Variants in TRIP12 observed in about 807,000 individuals in gnomAD.
TRIP12 encodes thyroid hormone receptor interactor 12, also known as E3 ubiquitin-protein ligase TRIP12.
TRIP12 carries 25 observed loss-of-function variants against 244.2 expected under a neutral mutation model. The observed-to-expected ratio is 0.10, with a 90% confidence interval of 0.07 to 0.14. The LOEUF is 0.14. Ranked by LOEUF, TRIP12 falls within the 10% of genes least tolerant of loss-of-function variation. The pLI is 1.00. For synonymous variants in TRIP12, 905 were observed against 873.1 expected (o/e 1.04, Z -0.64); for missense variants, 1,677 against 2,486.4 (o/e 0.67, Z 6.92).
chr2:229,796,809 A>T (rs958506866), intron 24 of TRIP12, 27 bp from the exon 25 acceptor site: 1 of 1,528,534 alleles, frequency 6.5e-7, no homozygotes, highest in Admixed American at 2.3e-5. Flanking sequence ...AAGTATTTCT[A>T]TATTGATTTA....
At chr2:229,844,090 A>C (rs2057077026) in intron 4 of TRIP12, among the ~76,000 whole-genome samples, 1 of 152,220 alleles carries the variant, frequency 6.6e-6, no homozygotes. Context: ...TGAATTTTTA[A>C]AACAACATTG....
intron 2 of TRIP12, among the ~76,000 whole-genome samples, chr2:229,867,446 T>C (rs1398532347): frequency 1.3e-5 from 2 of 152,144 alleles, no homozygotes; most frequent in Non-Finnish European, 2.9e-5. Flanking sequence ...ATTACAGGTA[T>C]GAGCCACTGT....
At chr2:229,822,272 G>C (rs1320815224) in intron 8 of TRIP12, among the ~76,000 whole-genome samples, 1 of 152,218 alleles carries the variant, frequency 6.6e-6, no homozygotes, top group South Asian at 2.1e-4. Flanking sequence ...AGGCGTCAAA[G>C]ACACACAGCT....
At chr2:229,794,296 G>C (rs1357154215) in intron 26 of TRIP12, among the ~76,000 whole-genome samples, 1 of 152,324 alleles carries the variant, frequency 6.6e-6, no homozygotes, top group South Asian at 2.1e-4. Flanking sequence ...ACTAGGCTGA[G>C]TGTGGTGGCT....
intron 34 of TRIP12, among the ~76,000 whole-genome samples, chr2:229,781,921 C>T (rs1367504030): frequency 1.3e-5 from 2 of 152,140 alleles, no homozygotes; most frequent in African/African-American, 4.8e-5. Flanking sequence ...GAAGGAAGGG[C>T]ATAAAATCTT....
Position 229,810,752 on chromosome 2 carries a change from ACTTTT to A in TRIP12, c.2221+123_2221+127del, listed in dbSNP as rs1180813904. The A allele has an allele frequency of 8.8e-5, 79 of 893,888 alleles. No homozygotes were observed. In the African/African-American group the frequency reaches 9.5e-4, roughly 11 times the overall value. 55.4% of individuals were successfully genotyped at this position (893,888 alleles called of 1,614,324 possible). On this transcript the variant is annotated intron_variant, in intron 15 of 41. Transcript: ENST00000675903. ...CAACACAAATTTATTACATATTAAC[ACTTTT>A]CTTTACTATCCAATGCCTATAATAT...
intron 8 of TRIP12, among the ~76,000 whole-genome samples, chr2:229,820,713 C>G (rs745630021): frequency 2.6e-5 from 4 of 152,150 alleles, no homozygotes; most frequent in Non-Finnish European, 5.9e-5. Flanking sequence ...CTCAGCCTCC[C>G]AAGTAGCTGG....
intron 1 of TRIP12, among the ~76,000 whole-genome samples, chr2:229,906,492 C>T (rs1458431209): frequency 3.3e-5 from 5 of 150,726 alleles, no homozygotes; most frequent in African/African-American, 4.9e-5. Context: ...GAGGCCGAGG[C>T]GGGTGGATCA....
chr2:229,894,355 T>C (rs2068178168), intron 1 of TRIP12: 1 of 152,198 alleles, frequency 6.6e-6, no homozygotes, highest in African/African-American at 2.4e-5. Flanking sequence ...CGTGATCACT[T>C]TGGCAGCACA....
intron 40 of TRIP12, among the ~76,000 whole-genome samples, chr2:229,768,973 G>T (rs1302195066): frequency 6.6e-6 from 1 of 152,146 alleles, no homozygotes; most frequent in Non-Finnish European, 1.5e-5. Context: ...TAATAATGGG[G>T]AACAAGATTA....
Position 229,804,338 on chromosome 2 carries a change from C to G in TRIP12, c.2651-111G>C. On this transcript the variant is annotated intron_variant, in intron 18 of 41. Transcript: ENST00000675903. ...TGTAATTCTTGAAATGCTATGAAAA[C>G]TTTTTCATTATAGAACACATGAACT... 4.3e-6 allele frequency: 4 copies of G among 924,182 alleles called. No homozygotes were observed. The South Asian group carries it at 5.5e-5, about 13-fold the overall frequency. The allele number at this position is 924,182 out of a possible 1,614,324, so 57.2% of individuals were successfully genotyped here. A position where few individuals can be genotyped will look rare whatever the true frequency, so the allele number is the denominator to read the frequency against.
chr2:229,814,049 G>A lies in TRIP12; in HGVS notation c.1825-18C>T. ...AAACCACCCTAAAATATAGAAAACT[G>A]TTAAGGTAAAGAAAAATCCTTTATC... On this transcript the variant is annotated intron_variant, in intron 12 of 41. Coordinates refer to ENST00000675903, the MANE Select transcript of TRIP12 (RefSeq NM_001348323.3). The A allele has an allele frequency of 6.4e-7, 1 of 1,559,608 alleles. No homozygotes were observed. The highest frequency in any genetic ancestry group is 1.2e-5 in the South Asian group (1 of 84,296).
intron 1 of TRIP12, among the ~76,000 whole-genome samples, chr2:229,886,303 T>C (rs921002903): frequency 3.3e-5 from 5 of 152,162 alleles, no homozygotes; most frequent in Non-Finnish European, 1.5e-5. Flanking sequence ...CTGCCTTTTT[T>C]TCCAGTTAAT....
chr2:229,839,521 C>CA (rs1477319088), intron 5 of TRIP12, among the ~76,000 whole-genome samples: 11 of 151,518 alleles, frequency 7.3e-5, no homozygotes, highest in African/African-American at 1.5e-4. Context: ...ACTAAAAATA[C>CA]AAAAAAAATT....
At chr2:229,866,784 C>T (rs1388744175) in intron 2 of TRIP12, among the ~76,000 whole-genome samples, 1 of 152,088 alleles carries the variant, frequency 6.6e-6, no homozygotes, top group African/African-American at 2.4e-5. Flanking sequence ...ATGTTTCCAA[C>T]GAATACTTTT....
chr2:229,774,055 G>A (rs200023530), intron 38 of TRIP12, 42 bp downstream of exon 38: 42 of 1,590,144 alleles, frequency 2.6e-5, no homozygotes, highest in East Asian at 2.2e-4. Context: ...AAAGTCCTCC[G>A]TCTTCACAAC....
chr2:229,811,018 C>G lies in TRIP12; in HGVS notation c.2083G>C (p.Asp695His). Residue 695 changes from aspartate (D) to histidine (H), a missense_variant, in exon 15 of 42, where the codon GAT becomes CAT. Transcript: ENST00000675903. Reference sequence around the variant, plus strand: ...AGCTGTTGAACATTTGTAAGCAGATCTTTGGAAGCAACCTGCTGGAGTAAA... The same window carrying G: ...AGCTGTTGAACATTTGTAAGCAGATGTTTGGAAGCAACCTGCTGGAGTAAA... The part of the protein sequence containing the change: ...ENLLQQVASK[D>H]LLTNVQQLLV... 6.2e-7 allele frequency: 1 copy of G among 1,613,950 alleles called. No homozygotes were observed. Among genetic ancestry groups the G allele is most frequent in the Non-Finnish European group, 8.5e-7 (1 of 1,179,954 alleles).
chr2:229,778,593 AAACAAGC>A lies in TRIP12; in HGVS notation c.5210-13_5210-7del, dbSNP rs1186477947. The stretch of plus-strand genomic sequence containing the variant: ...CTTGGTCCCTTCTTGGCTCCCTGAA[AAACAAGC>A]AATGCAGCAAACTTCAGATGATGTT... On this transcript the variant is annotated splice_polypyrimidine_tract_variant and splice_region_variant and intron_variant, in intron 35 of 41. Transcript: ENST00000675903. This position sits in a 1 kb window ranked among gnomAD's most constrained non-coding sequence, Gnocchi z 4.1. The A allele has an allele frequency of 2.5e-6, 4 of 1,607,584 alleles. No homozygotes were observed. The highest frequency in any genetic ancestry group is 3.4e-6 in the Non-Finnish European group (4 of 1,176,852).
At position 229,770,831 on chromosome 2, in the gene TRIP12, C is replaced by T. The variant is rs552450788; in HGVS notation, c.5808+688G>A. 3.5e-4 allele frequency among the ~76,000 whole-genome samples: 53 copies of T among 152,276 alleles called. No individual in the cohort carries two copies. The South Asian group carries it at 8.5e-3, about 24-fold the overall frequency. ...ATGGTTTCAAAAAGGGGAGTTTCCC[C>T]GCACAAGCTCTCGTCTTGTCTGCTG... On this transcript the variant is annotated intron_variant, in intron 39 of 41. Transcript: ENST00000675903.
Sources: allele counts gnomAD v4.1 joint callset (sites outside exome capture counted in the v4.1 genomes callset), GRCh38; gene constraint gnomAD v4.1.1; non-coding constraint Gnocchi (gnomAD v3.1); transcripts MANE v1.5; gene names NCBI Gene and HGNC (gene_info 2026-07-23, HGNC 2026-07-21).